Variants in TECPR2 observed in about 807,000 individuals in gnomAD.
The protein encoded by TECPR2 is tectonin beta-propeller repeat-containing protein 2.
TECPR2 carries 65 observed loss-of-function variants against 138.1 expected under a neutral mutation model. The ratio of observed to expected loss-of-function variants is 0.47; its 90% CI spans 0.39 to 0.58. The LOEUF (loss-of-function observed/expected upper bound fraction) is 0.58. Ranked by LOEUF, TECPR2 falls within the 20% of genes least tolerant of loss-of-function variation. TECPR2 has a pLI of 0.00. For synonymous variants in TECPR2, 746 were observed against 749.8 expected (o/e 0.99, Z 0.08); for missense variants, 1,553 against 1,824.5 (o/e 0.85, Z 2.71).
chr14:102,470,199 C>T (rs1444772258), intron 17 of TECPR2, among the ~76,000 whole-genome samples: 3 of 152,060 alleles, frequency 2.0e-5, no homozygotes, highest in Admixed American at 6.6e-5. Context: ...TGTTAGAATT[C>T]GTCATCCCAT....
intron 10 of TECPR2, 62 bp from the exon 11 acceptor site, chr14:102,440,374 C>G: frequency 6.3e-7 from 1 of 1,578,732 alleles, no homozygotes; most frequent in Non-Finnish European, 8.6e-7. Flanking sequence ...AGCATGAAGA[C>G]TTTTGTATAG....
intron 4 of TECPR2, among the ~76,000 whole-genome samples, chr14:102,409,713 C>A (rs1471948484): frequency 6.6e-6 from 1 of 152,234 alleles, no homozygotes; most frequent in Admixed American, 6.5e-5. Context: ...GATCCCTTTA[C>A]ACTCTTAGAA....
intron 17 of TECPR2, among the ~76,000 whole-genome samples, chr14:102,483,173 TC>T (rs1369451699): frequency 6.6e-6 from 1 of 152,062 alleles, no homozygotes; most frequent in Non-Finnish European, 1.5e-5. Flanking sequence ...TAACACCTGA[TC>T]CTTGATACTT....
rs151236106 is a variant in TECPR2, at chr14:102,395,465, G to A, written c.220-11873G>A. ...AAAAGACCACTCAGACCAGAAGCCT[G>A]AACATCTGTGAGCAATGCTTATACA... On this transcript the variant is annotated intron_variant, in intron 2 of 19. Coordinates refer to ENST00000359520, the MANE Select transcript of TECPR2 (RefSeq NM_014844.5). Among the ~76,000 whole-genome samples, 221 of 152,326 alleles carry A rather than the reference G, an allele frequency of 1.5e-3. 3 individuals carry two copies. The East Asian group carries it at 0.041, about 28-fold the overall frequency.
At chr14:102,447,089 A>G (rs572855332) in intron 13 of TECPR2, among the ~76,000 whole-genome samples, 1 of 152,352 alleles carries the variant, frequency 6.6e-6, no homozygotes, top group African/African-American at 2.4e-5. Context: ...GGATGAGGGT[A>G]TAATCAAGCT....
intron 2 of TECPR2, among the ~76,000 whole-genome samples, chr14:102,398,445 T>G (rs1255332505): frequency 1.3e-5 from 2 of 152,112 alleles, no homozygotes; most frequent in African/African-American, 2.4e-5. Context: ...ATCTGGAAGC[T>G]TCCCAGATTT....
intron 17 of TECPR2, 34 bp from the exon 18 acceptor site, chr14:102,496,945 C>T (rs1891296965): frequency 6.2e-7 from 1 of 1,608,810 alleles, no homozygotes; most frequent in African/African-American, 1.3e-5. Flanking sequence ...TCACCCAACT[C>T]CTGCCTTCCC....
chr14:102,424,399 A>G (rs570528986), intron 5 of TECPR2, among the ~76,000 whole-genome samples: 13 of 152,310 alleles, frequency 8.5e-5, no homozygotes, highest in African/African-American at 3.1e-4. Flanking sequence ...TAGTGGCACT[A>G]TCTCAGCTCA....
chr14:102,382,249 C>T (rs1472952962), intron 2 of TECPR2, among the ~76,000 whole-genome samples: 2 of 151,196 alleles, frequency 1.3e-5, no homozygotes, highest in East Asian at 1.9e-4. Flanking sequence ...GCCAAGATCG[C>T]GCCATTGCAC....
chr14:102,439,346 T>C (rs1316592400), intron 10 of TECPR2, among the ~76,000 whole-genome samples: 3 of 152,278 alleles, frequency 2.0e-5, no homozygotes, highest in East Asian at 3.9e-4. Flanking sequence ...TCGGGATGAA[T>C]TTCCCTTAAT....
intron 2 of TECPR2, among the ~76,000 whole-genome samples, chr14:102,381,149 C>CG (rs543891764): frequency 0.01 from 1,586 of 152,024 alleles, 30 homozygotes; most frequent in African/African-American, 0.036. Flanking sequence ...TTAGTAGAGA[C>CG]GGGGTTTCAC....
At chr14:102,482,170 C>T (rs567509016) in intron 17 of TECPR2, among the ~76,000 whole-genome samples, 1 of 152,260 alleles carries the variant, frequency 6.6e-6, no homozygotes, top group South Asian at 2.1e-4. Context: ...TCTTCTGCCT[C>T]AGCCTCCCGA....
chr14:102,406,101 TA>T (rs1888651564), intron 2 of TECPR2, among the ~76,000 whole-genome samples: 1 of 152,116 alleles, frequency 6.6e-6, no homozygotes, highest in African/African-American at 2.4e-5. Flanking sequence ...AATTATTGTT[TA>T]ATAGAGTTTC....
At chr14:102,440,339 A>G in intron 10 of TECPR2, 97 bp from the exon 11 acceptor site, 1 of 1,487,202 alleles carries the variant, frequency 6.7e-7, no homozygotes, top group South Asian at 1.3e-5. Context: ...GATGTGTTTT[A>G]GAAATCTTTC....
chr14:102,440,343 A>G (rs889017303), intron 10 of TECPR2, 93 bp from the exon 11 acceptor site: 6 of 1,500,578 alleles, frequency 4.0e-6, no homozygotes, highest in South Asian at 3.9e-5. Flanking sequence ...TGTTTTAGAA[A>G]TCTTTCTCCC....
rs534372366 is a variant in TECPR2 at position 102,502,360 on chromosome 14, T to G, written c.*4103T>G. The G allele has an allele frequency of 6.5e-6, 1 of 152,806 alleles. No individual in the cohort carries two copies. Among genetic ancestry groups the G allele is most frequent in the East Asian group, 1.9e-4 (1 of 5,192 alleles). The allele number at this position is 152,806 out of a possible 1,614,324, so 9.5% of individuals were successfully genotyped here. A position where few individuals can be genotyped will look rare whatever the true frequency, so the allele number is the denominator to read the frequency against. On this transcript the variant is annotated 3_prime_UTR_variant, in exon 20 of 20. Transcript: ENST00000359520. Reference sequence around the variant, plus strand: ...TGAAAAGAAACAAGTTCTCTACTTGTGATCAGCAGCTGGTCATAGTGGTTG... The same window carrying G: ...TGAAAAGAAACAAGTTCTCTACTTGGGATCAGCAGCTGGTCATAGTGGTTG...
In TECPR2 at chr14:102,452,479, G is replaced by A. The variant is rs143960870; in HGVS notation, c.3492G>A (p.Gln1164=). ...QSAQSRPSTV[Q]LPPEAEMRAY... is the part of the protein sequence containing the mutation. ...CACAGTCGCGGCCCTCCACGGTGCA[G>A]CTGCCTCCCGAAGCCGAGATGCGCG... Residue 1164 remains glutamine, a synonymous_variant, in exon 16 of 20, where the codon CAG becomes CAA. Transcript: ENST00000359520. The A allele has an allele frequency of 6.4e-5, 103 of 1,613,382 alleles. No individual in the cohort carries two copies. Among genetic ancestry groups the A allele is most frequent in the African/African-American group, 4.7e-4 (35 of 74,960 alleles).
chr14:102,482,838 C>CTTTTTTTT (rs758301929), intron 17 of TECPR2, among the ~76,000 whole-genome samples: 10 of 96,578 alleles, frequency 1.0e-4, no homozygotes, highest in African/African-American at 2.4e-4. Flanking sequence ...AGAAGCCTTT[C>CTTTTTTTT]TTTTTTTTTT....
chr14:102,362,962 G>A lies in TECPR2; in HGVS notation c.-227G>A. The A allele has an allele frequency of 2.8e-6, 4 of 1,422,400 alleles. No individual in the cohort carries two copies. The highest frequency in any genetic ancestry group is 2.4e-5 in the South Asian group (2 of 82,248). The allele number at this position is 1,422,400 out of a possible 1,614,324, so 88.1% of individuals were successfully genotyped here. A position where few individuals can be genotyped will look rare whatever the true frequency, so the allele number is the denominator to read the frequency against. On this transcript the variant is annotated 5_prime_UTR_variant, in exon 1 of 20. Transcript: ENST00000359520. The stretch of plus-strand genomic sequence containing the variant: ...TGCCACTTGTGGCTCTGCCGCTCTA[G>A]CCCCCGGCGGAGCCAGCTGCTGCTC...
Sources: gnomAD v4.1 joint callset for allele counts (sites outside exome capture counted in the v4.1 genomes callset) on GRCh38, gnomAD v4.1.1 for gene constraint, MANE v1.5 for transcripts, NCBI Gene and HGNC (gene_info 2026-07-23, HGNC 2026-07-21) for gene names.